Variants in ADAM18 observed in about 807,000 individuals in gnomAD.
ADAM18 encodes the protein ADAM metallopeptidase domain 18.
ADAM18 carries 117 observed loss-of-function variants against 94.4 expected under a neutral mutation model. The ratio of observed to expected loss-of-function variants is 1.24; its 90% CI spans 1.07 to 1.45. The LOEUF (loss-of-function observed/expected upper bound fraction) is 1.45, where lower values mean the gene tolerates loss of function less well. ADAM18 is among the 40% of genes most tolerant of loss of function. The pLI is 0.00. For synonymous variants in ADAM18, 327 were observed against 291.6 expected (o/e 1.12, Z -1.24); for missense variants, 936 against 880.0 (o/e 1.06, Z -0.81).
intron 12 of ADAM18, among the ~76,000 whole-genome samples, chr8:39,655,565 T>C (rs1326646253): frequency 2.0e-5 from 3 of 152,112 alleles, no homozygotes; most frequent in Non-Finnish European, 4.4e-5. Context: ...TGCATAACAG[T>C]TGTTCTCACT....
In ADAM18 at chr8:39,587,438, A is replaced by G. The variant is rs563196544; in HGVS notation, c.132+2086A>G. Among the ~76,000 whole-genome samples the G allele has an allele frequency of 7.7e-4, 117 of 151,750 alleles. 1 individual carries two copies. Among genetic ancestry groups the G allele is most frequent in the Non-Finnish European group, 1.6e-3 (111 of 67,900 alleles). On this transcript the variant is annotated intron_variant, in intron 2 of 19. Transcript: ENST00000265707. ...TCTATTCTCTGCTTTTATGATTTCC[A>G]CTGTTTTATTTTATTTATTTGTTTG... is the stretch of plus-strand genomic sequence containing the variant.
In ADAM18 at chr8:39,686,440, G is replaced by C. The variant is rs112427112; in HGVS notation, c.1822-6160G>C. Among the ~76,000 whole-genome samples the C allele has an allele frequency of 2.1e-3, 320 of 152,276 alleles. 2 individuals carry two copies. Among genetic ancestry groups the C allele is most frequent in the African/African-American group, 7.2e-3 (299 of 41,560 alleles). On this transcript the variant is annotated intron_variant, in intron 16 of 19. Transcript: ENST00000265707. The stretch of plus-strand genomic sequence containing the variant: ...CGTGTCCTCGCATGACAGAAAGGGT[G>C]AACAAGCTCCATTGAACCTCTTTTA...
intron 1 of ADAM18, among the ~76,000 whole-genome samples, chr8:39,585,020 G>T (rs891162626): frequency 6.6e-6 from 1 of 152,130 alleles, no homozygotes; most frequent in African/African-American, 2.4e-5. Flanking sequence ...GTCTCTCATC[G>T]ATTCTAAAAG....
intron 6 of ADAM18, among the ~76,000 whole-genome samples, chr8:39,613,558 A>G (rs765835567): frequency 6.6e-6 from 1 of 152,206 alleles, no homozygotes; most frequent in Non-Finnish European, 1.5e-5. Flanking sequence ...CTGGCAACTC[A>G]GAAGCCAGAG....
At chr8:39,630,506 T>C (rs1016527764) in intron 7 of ADAM18, among the ~76,000 whole-genome samples, 2 of 151,860 alleles carry the variant, frequency 1.3e-5, no homozygotes, top group South Asian at 4.1e-4. Context: ...ATTTAGCAGA[T>C]AAATATAATA....
chr8:39,668,054 A>G lies in ADAM18; in HGVS notation c.1383A>G (p.Thr461=), dbSNP rs765800308. ...RKSIDPECDF[T]EYCNGTSSNC... is the part of the protein sequence containing the mutation. ...GTATTGATCCAGAGTGTGATTTTAC[A>G]GAGTACTGCAATGGAACCTCTAGTA... Residue 461 remains threonine (T), a synonymous_variant, in exon 14 of 20, where the codon ACA becomes ACG. Transcript: ENST00000265707. The G allele has an allele frequency of 7.4e-6, 12 of 1,614,128 alleles. No homozygotes were observed. The highest frequency in any genetic ancestry group is 1.0e-5 in the Non-Finnish European group (12 of 1,179,998).
intron 7 of ADAM18, among the ~76,000 whole-genome samples, chr8:39,635,884 A>G (rs1300699283): frequency 2.0e-5 from 3 of 152,138 alleles, no homozygotes; most frequent in African/African-American, 4.8e-5. Context: ...TTGTTAAAGC[A>G]GTGTTGGTTT....
rs143826365 is a variant in ADAM18 at position 39,722,692 on chromosome 8, A to G, written c.2018-1056A>G. 4.6e-5 allele frequency among the ~76,000 whole-genome samples: 7 copies of G among 151,748 alleles called. No homozygotes were observed. The East Asian group carries it at 1.4e-3, about 29-fold the overall frequency. On this transcript the variant is annotated intron_variant, in intron 18 of 19. Coordinates refer to ENST00000265707, the MANE Select transcript of ADAM18 (RefSeq NM_014237.3). ...TAATCTATTTTTCAAAGTGTATACA[A>G]CATGAAAAGATACAAGTATAGTTAA... is the stretch of plus-strand genomic sequence containing the variant.
At chr8:39,711,141 C>A (rs990226185) in intron 18 of ADAM18, among the ~76,000 whole-genome samples, 1 of 152,094 alleles carries the variant, frequency 6.6e-6, no homozygotes, top group Non-Finnish European at 1.5e-5. Flanking sequence ...CAAAACATTA[C>A]CTGAACAAAA....
chr8:39,589,628 A>G (rs1818512074), intron 2 of ADAM18, among the ~76,000 whole-genome samples: 1 of 151,740 alleles, frequency 6.6e-6, no homozygotes, highest in Non-Finnish European at 1.5e-5. Context: ...ATATATATAA[A>G]TATATACACC....
intron 9 of ADAM18, among the ~76,000 whole-genome samples, chr8:39,638,069 G>A (rs1394829966): frequency 6.6e-6 from 1 of 151,644 alleles, no homozygotes; most frequent in Non-Finnish European, 1.5e-5. Context: ...TTTTTACTAG[G>A]AGGGATTTGG....
intron 18 of ADAM18, among the ~76,000 whole-genome samples, chr8:39,713,349 C>G (rs1822472948): frequency 2.0e-5 from 3 of 152,098 alleles, no homozygotes; most frequent in Non-Finnish European, 4.4e-5. Flanking sequence ...AGAAGAAAAC[C>G]TAGGCAATAC....
At chr8:39,674,980 G>C (rs1317683193) in intron 14 of ADAM18, among the ~76,000 whole-genome samples, 2 of 152,176 alleles carry the variant, frequency 1.3e-5, no homozygotes, top group Admixed American at 1.3e-4. Flanking sequence ...TAGGGTTTCT[G>C]CCGAGAGATC....
intron 19 of ADAM18, 82 bp from the exon 20 acceptor site, chr8:39,729,816 A>G: frequency 9.1e-7 from 1 of 1,102,404 alleles, no homozygotes; most frequent in Non-Finnish European, 1.4e-6. Flanking sequence ...GAAATTCAGT[A>G]GTAAATATGG....
At position 39,699,046 on chromosome 8, in the gene ADAM18, A is replaced by T. The variant is rs76505744; in HGVS notation, c.1902+6366A>T. On this transcript the variant is annotated intron_variant, in intron 17 of 19. Transcript: ENST00000265707. ...CACTTTCCAACCCCTGCATTTCAAG[A>T]AAATGATAATAATTCTGTTGTTTAT... 6.6e-3 allele frequency among the ~76,000 whole-genome samples: 997 copies of T among 152,168 alleles called. 5 individuals carry two copies. The highest frequency in any genetic ancestry group is 0.011 in the Non-Finnish European group (727 of 67,928).
intron 6 of ADAM18, among the ~76,000 whole-genome samples, chr8:39,616,460 G>A (rs1257824147): frequency 6.6e-6 from 1 of 152,106 alleles, no homozygotes; most frequent in African/African-American, 2.4e-5. Context: ...ACAATTTACA[G>A]ATTCAATGCT....
intron 12 of ADAM18, among the ~76,000 whole-genome samples, chr8:39,649,881 G>C (rs187494997): frequency 3.0e-4 from 46 of 152,188 alleles, no homozygotes; most frequent in African/African-American, 8.7e-4. Flanking sequence ...GTGGCCAGTT[G>C]GTTAAATCCA....
chr8:39,727,050 G>A (rs917664721), intron 19 of ADAM18, among the ~76,000 whole-genome samples: 7 of 152,138 alleles, frequency 4.6e-5, no homozygotes, highest in African/African-American at 1.4e-4. Flanking sequence ...AGAGAAAGTT[G>A]TATACATCCT....
rs191704939 is a variant in ADAM18, at chr8:39,620,424, A to C, written c.523-8950A>C. Among the ~76,000 whole-genome samples, 15 of 149,288 alleles carry C rather than the reference A, an allele frequency of 1.0e-4. No homozygotes were observed. The East Asian group carries it at 2.5e-3, about 25-fold the overall frequency. Reference sequence around the variant, plus strand: ...AAAGAAAAAATGTAAAAAAAAACCAACAACCAACCAACCAAACAAAAACAC... The same window carrying C: ...AAAGAAAAAATGTAAAAAAAAACCACCAACCAACCAACCAAACAAAAACAC... On this transcript the variant is annotated intron_variant, in intron 6 of 19. Coordinates refer to ENST00000265707, the MANE Select transcript of ADAM18 (RefSeq NM_014237.3).
Sources: gnomAD v4.1 joint callset for allele counts (sites outside exome capture counted in the v4.1 genomes callset) on GRCh38, gnomAD v4.1.1 for gene constraint, MANE v1.5 for transcripts, NCBI Gene and HGNC (gene_info 2026-07-23, HGNC 2026-07-21) for gene names.